Variants in ESF1 observed in about 807,000 individuals in gnomAD.
ESF1 encodes the protein ESF1 homolog.
Under a neutral mutation model 92.0 loss-of-function variants are expected in ESF1, and 58 were observed. That is an observed-to-expected ratio of 0.63 (90% confidence interval 0.51 to 0.78). The LOEUF is 0.78. Among genes scored for constraint, ESF1 ranks in the 30% least tolerant of loss-of-function variants. The pLI is 0.00. For synonymous variants in ESF1, 321 were observed against 313.7 expected (o/e 1.02, Z -0.24); for missense variants, 922 against 989.1 (o/e 0.93, Z 0.91).
intron 11 of ESF1, among the ~76,000 whole-genome samples, chr20:13,723,081 G>C (rs6079151): frequency 0.31 from 47,378 of 151,964 alleles, 7,814 homozygotes; most frequent in Non-Finnish European, 0.37. Flanking sequence ...AAATTCATCT[G>C]TAAAGGAAAT....
chr20:13,716,042 A>T (rs1408784291), intron 13 of ESF1, among the ~76,000 whole-genome samples: 1 of 152,226 alleles, frequency 6.6e-6, no homozygotes, highest in African/African-American at 2.4e-5. Context: ...GCATATGTGA[A>T]ACTGACTCAA....
chr20:13,740,035 T>A, intron 9 of ESF1, among the ~76,000 whole-genome samples: 1 of 152,128 alleles, frequency 6.6e-6, no homozygotes, highest in Admixed American at 6.5e-5. Flanking sequence ...AAAATACATT[T>A]TTCCCCCATA....
chr20:13,778,795 C>G (rs1980055295), intron 2 of ESF1, among the ~76,000 whole-genome samples: 2 of 152,104 alleles, frequency 1.3e-5, no homozygotes, highest in Non-Finnish European at 2.9e-5. Context: ...GCCTGTAATC[C>G]CATCATATTA....
intron 9 of ESF1, among the ~76,000 whole-genome samples, chr20:13,748,313 G>A (rs764435911): frequency 1.4e-4 from 21 of 151,858 alleles, no homozygotes; most frequent in Non-Finnish European, 2.8e-4. Context: ...AGAACTTAAT[G>A]TAGTATTGTG....
chr20:13,749,708 G>A (rs1568719055), intron 9 of ESF1, among the ~76,000 whole-genome samples: 1 of 152,052 alleles, frequency 6.6e-6, no homozygotes, highest in East Asian at 1.9e-4. Context: ...TCGGACTACA[G>A]GCACGAGCCA....
intron 11 of ESF1, among the ~76,000 whole-genome samples, chr20:13,725,529 AC>A (rs1286323614): frequency 6.6e-6 from 1 of 152,078 alleles, no homozygotes; most frequent in Non-Finnish European, 1.5e-5. Flanking sequence ...TGAAACCTCT[AC>A]CACCTCACCA....
intron 4 of ESF1, among the ~76,000 whole-genome samples, chr20:13,774,751 G>C (rs1336066020): frequency 1.3e-5 from 2 of 152,120 alleles, no homozygotes; most frequent in African/African-American, 4.8e-5. Context: ...TTTATCAAGT[G>C]TTACAGTTTA....
intron 7 of ESF1, among the ~76,000 whole-genome samples, chr20:13,769,137 A>G (rs1600291066): frequency 6.6e-6 from 1 of 152,200 alleles, no homozygotes; most frequent in African/African-American, 2.4e-5. Flanking sequence ...TTCATTATCC[A>G]CTTCCCCTTA....
chr20:13,766,913 A>G lies in ESF1; in HGVS notation c.1530T>C (p.Thr510=). 1 of 1,608,256 alleles carries G rather than the reference A, an allele frequency of 6.2e-7. No individual in the cohort carries two copies. Among genetic ancestry groups the G allele is most frequent in the South Asian group, 1.1e-5 (1 of 89,802 alleles). Residue 510 remains threonine, a synonymous_variant, in exon 8 of 14, where the codon ACT becomes ACC. Coordinates refer to ENST00000617257, the MANE Select transcript of ESF1 (RefSeq NM_001276380.2). ...AAMGTSTVEI[T]WDETDHERIT... ...TTCTTTCATGATCAGTCTCATCCCAAGTGATTTCCACCTTTCACCAACAAA... is the reference window on the plus strand; with the variant it reads ...TTCTTTCATGATCAGTCTCATCCCAGGTGATTTCCACCTTTCACCAACAAA...
chr20:13,772,583 C>T lies in ESF1; in HGVS notation c.1182G>A (p.Met394Ile). ...CTGGTCCTTGAACTTGCTCTTCCTT[C>T]ATCCTCTCCTTTCCAAATTCTGAAG... is the stretch of plus-strand genomic sequence containing the variant. ...IYPSEFGKER[M>I]KEEQVQGPVE... The change falls in exon 5 of 14, where the codon ATG becomes ATA. Residue 394 changes from methionine (M) to isoleucine (I), a missense_variant. Met to Ile is a conservative substitution (Grantham distance 10). Transcript: ENST00000617257. The T allele has an allele frequency of 3.7e-6, 6 of 1,612,792 alleles. No homozygotes were observed. The South Asian group carries it at 5.5e-5, about 15-fold the overall frequency.
intron 7 of ESF1, among the ~76,000 whole-genome samples, chr20:13,768,049 T>C (rs1044532868): frequency 6.6e-6 from 1 of 152,240 alleles, no homozygotes; most frequent in African/African-American, 2.4e-5. Flanking sequence ...AGGCTGGCCC[T>C]GATCATTATG....
chr20:13,751,194 C>G (rs3747929), intron 9 of ESF1, among the ~76,000 whole-genome samples: 33,443 of 152,088 alleles, frequency 0.22, 4,478 homozygotes, highest in East Asian at 0.6. Context: ...ACACACGGAA[C>G]ATGTGCAACG....
At chr20:13,749,739 G>A (rs913544020) in intron 9 of ESF1, among the ~76,000 whole-genome samples, 3 of 151,740 alleles carry the variant, frequency 2.0e-5, no homozygotes, top group Non-Finnish European at 4.4e-5. Flanking sequence ...CTAATTTTTT[G>A]TATTTTTAGT....
chr20:13,732,690 G>A (rs2049951294), intron 10 of ESF1, among the ~76,000 whole-genome samples: 1 of 152,058 alleles, frequency 6.6e-6, no homozygotes, highest in Non-Finnish European at 1.5e-5. Flanking sequence ...TCCCCAAGCT[G>A]CAAAATTTTG....
In ESF1 at chr20:13,782,648, T is replaced by C. The variant is rs780512980; in HGVS notation, c.493A>G (p.Asn165Asp). ...ACAATGTTTTTTTTCTCTTTCTTAT[T>C]TTTTTGTGTAAATTCTTTGCTATCC... Reference protein sequence around the residue: ...KKDSKEFTQKNKKEKKNIVQH... With the variant: ...KKDSKEFTQKDKKEKKNIVQH... Residue 165 changes from asparagine (N) to aspartate (D), a missense_variant, in exon 2 of 14, where the codon AAT (asparagine) becomes GAT (aspartate). By Grantham distance (23) the Asn-to-Asp change is conservative. Transcript: ENST00000617257. 35 of 1,606,646 alleles carry C rather than the reference T, an allele frequency of 2.2e-5. 1 individual carries two copies. The Middle Eastern group carries it at 8.4e-4, about 39-fold the overall frequency.
intron 9 of ESF1, among the ~76,000 whole-genome samples, chr20:13,736,682 C>T (rs531064072): frequency 1.1e-4 from 17 of 151,996 alleles, no homozygotes; most frequent in Non-Finnish European, 2.1e-4. Context: ...ACTTTAGGAT[C>T]GAAATAAATG....
chr20:13,782,504 C>G lies in ESF1; in HGVS notation c.637G>C (p.Val213Leu). 6.7e-7 allele frequency: 1 copy of G among 1,495,340 alleles called. No individual in the cohort carries two copies. Among genetic ancestry groups the G allele is most frequent in the Non-Finnish European group, 8.9e-7 (1 of 1,129,098 alleles). 92.6% of individuals were successfully genotyped at this position (1,495,340 alleles called of 1,614,324 possible). A position where few individuals can be genotyped will look rare whatever the true frequency, so the allele number is the denominator to read the frequency against. The change falls in exon 2 of 14, where the codon GTG becomes CTG. Residue 213 changes from valine to leucine, a missense_variant and splice_region_variant. By Grantham distance (32) the Val-to-Leu change is conservative. Coordinates refer to ENST00000617257, the MANE Select transcript of ESF1 (RefSeq NM_001276380.2). ...GAATCTCTAATTTTTTCCAACCTACCTGATTGCATTTCTCTTCTTGTCTTA... is the reference window on the plus strand; with the variant it reads ...GAATCTCTAATTTTTTCCAACCTACGTGATTGCATTTCTCTTCTTGTCTTA... ...CSKTRREMQS[V>L]VQLIMTRDSD...
chr20:13,728,299 G>C, intron 11 of ESF1, 79 bp downstream of exon 11: 1 of 1,056,602 alleles, frequency 9.5e-7, no homozygotes, highest in Non-Finnish European at 1.4e-6. Context: ...TTAAAAGAAT[G>C]ATTAGTTTAT....
At position 13,766,769 on chromosome 20, in the gene ESF1, A is replaced by G; in HGVS notation, c.1666+8T>C. On this transcript the variant is annotated splice_region_variant and intron_variant, in intron 8 of 13. Coordinates refer to ENST00000617257, the MANE Select transcript of ESF1 (RefSeq NM_001276380.2). ...GTCCATTAATGGTCACTGAAAGATTAACAATACCTTGTAGCTCCTCTTCTA... is the reference window on the plus strand; with the variant it reads ...GTCCATTAATGGTCACTGAAAGATTGACAATACCTTGTAGCTCCTCTTCTA... 6.2e-7 allele frequency: 1 copy of G among 1,612,370 alleles called. No individual in the cohort carries two copies. The highest frequency in any genetic ancestry group is 8.5e-7 in the Non-Finnish European group (1 of 1,179,504).
Sources: gnomAD v4.1 joint callset for allele counts (sites outside exome capture counted in the v4.1 genomes callset) on GRCh38, gnomAD v4.1.1 for gene constraint, MANE v1.5 for transcripts, NCBI Gene and HGNC (gene_info 2026-07-23, HGNC 2026-07-21) for gene names.